ARHGEF39: variants seen among roughly 807,000 people sequenced by gnomAD.
The protein encoded by ARHGEF39 is Rho guanine nucleotide exchange factor (GEF) 39.
In ARHGEF39, 45 loss-of-function variants were observed where a neutral mutation model predicts 47.5. The ratio of observed to expected loss-of-function variants is 0.95; its 90% CI spans 0.75 to 1.22. The LOEUF (loss-of-function observed/expected upper bound fraction) is 1.22. Ranked by LOEUF, ARHGEF39 falls within the 50% of genes most tolerant of loss-of-function variation. The pLI, the probability that ARHGEF39 is intolerant of heterozygous loss-of-function variation, is 0.00. For synonymous variants in ARHGEF39, 164 were observed against 167.8 expected, an observed-to-expected ratio of 0.98 and a Z score of 0.17; for missense variants, 411 against 425.3, an observed-to-expected ratio of 0.97 and a Z score of 0.30.
rs1245752895 is a variant in ARHGEF39 at position 35,662,532 on chromosome 9, G to C, written c.883C>G (p.Pro295Ala). ...LSRVFGHSGGPCGGLLSLSFP... is the reference protein window; with the variant it reads ...LSRVFGHSGGACGGLLSLSFP... ...CTTACACTGAGCAACCCACCACAAG[G>C]GCCTCCTGAGTGGCCAAAGACCCTG... The change falls in exon 7 of 9, where the codon CCT (proline) becomes GCT (alanine). Residue 295 changes from proline to alanine, a missense_variant. By Grantham distance (27) the Pro-to-Ala change is conservative (BLOSUM62 -1). Coordinates refer to ENST00000378387, the MANE Select transcript of ARHGEF39 (RefSeq NM_032818.3). The C allele has an allele frequency of 6.2e-7, 1 of 1,613,904 alleles. No individual in the cohort carries two copies. Among genetic ancestry groups the C allele is most frequent in the South Asian group, 1.1e-5 (1 of 91,080 alleles).
intron 3 of ARHGEF39, 72 bp from the exon 4 acceptor site, chr9:35,664,198 A>C (rs1483837971): frequency 6.5e-7 from 1 of 1,546,728 alleles, no homozygotes; most frequent in African/African-American, 1.4e-5. Context: ...CTGTATCCAC[A>C]TTCCCAGCCT....
rs776118087 is a variant in ARHGEF39 at position 35,663,298 on chromosome 9, C to T, written c.544+24G>A. The T allele has an allele frequency of 1.1e-5, 17 of 1,612,610 alleles. No homozygotes were observed. In the African/African-American group the frequency reaches 1.9e-4, roughly 18 times the overall value. ...TACAGGAGAGGAAGCCTCCAGCCTG[C>T]GTTGCCGAGGAGCAAGAACCTACGT... On this transcript the variant is annotated intron_variant, in intron 5 of 8. Transcript: ENST00000378387.
Position 35,661,645 on chromosome 9 carries a change from CCT to C in ARHGEF39, c.*340_*341del, listed in dbSNP as rs1786414422. 1 of 422,920 alleles carries C rather than the reference CCT, an allele frequency of 2.4e-6. No individual in the cohort carries two copies. The highest frequency in any genetic ancestry group is 3.9e-5 in the Admixed American group (1 of 25,564). 26.2% of individuals were successfully genotyped at this position (422,920 alleles called of 1,614,324 possible). ...GGTTTAGTTGGGTTGGACTTGGTTT[CCT>C]GATTCTTCTTTTTTAATAAAATTTC... On this transcript the variant is annotated 3_prime_UTR_variant, in exon 9 of 9. Coordinates refer to ENST00000378387, the MANE Select transcript of ARHGEF39 (RefSeq NM_032818.3).
chr9:35,661,931 T>A lies in ARHGEF39; in HGVS notation c.*56A>T. ...TTCAGTACTGAAGATTCCTTTGTAC[T>A]CTTGGCTGTGACCTATCCCTGAGGT... On this transcript the variant is annotated 3_prime_UTR_variant, in exon 9 of 9. Coordinates refer to ENST00000378387, the MANE Select transcript of ARHGEF39 (RefSeq NM_032818.3). The A allele has an allele frequency of 6.3e-7, 1 of 1,578,486 alleles. No individual in the cohort carries two copies. The highest frequency in any genetic ancestry group is 8.6e-7 in the Non-Finnish European group (1 of 1,157,462).
In ARHGEF39 at chr9:35,664,017, C is replaced by T. The variant is rs759172103; in HGVS notation, c.464G>A (p.Arg155Gln). The T allele has an allele frequency of 9.3e-6, 15 of 1,613,770 alleles. No individual in the cohort carries two copies. Among genetic ancestry groups the T allele is most frequent in the East Asian group, 4.5e-5 (2 of 44,902 alleles). The change falls in exon 4 of 9, where the codon CGG (arginine) becomes CAG (glutamine). Residue 155 changes from arginine (R) to glutamine (Q), a missense_variant. Physicochemically the swap from Arg to Gln is conservative, Grantham distance 43. Coordinates refer to ENST00000378387, the MANE Select transcript of ARHGEF39 (RefSeq NM_032818.3). ...LQDLLPLPLQ[R>Q]LQQYENLVVA... The stretch of plus-strand genomic sequence containing the variant: ...TCAAGAGTTCACTCACTGCTGGAGC[C>T]GTTGCAGAGGCAGAGGGAGCAGGTC...
At position 35,662,656 on chromosome 9, in the gene ARHGEF39, A is replaced by T; in HGVS notation, c.759T>A (p.Asp253Glu). The T allele has an allele frequency of 6.2e-7, 1 of 1,611,592 alleles. No individual in the cohort carries two copies. The highest frequency in any genetic ancestry group is 8.5e-7 in the Non-Finnish European group (1 of 1,178,894). Reference protein sequence around the residue: ...PRPRMFFLFTDVLLMAKPRPP... With the variant: ...PRPRMFFLFTEVLLMAKPRPP... The stretch of plus-strand genomic sequence containing the variant: ...GCCGAGGCTTGGCCATGAGGAGCAC[A>T]TCAGTGAAGAGGAAGAACATGCGGG... The change falls in exon 7 of 9, where the codon GAT becomes GAA. Residue 253 changes from aspartate to glutamate, a missense_variant. Transcript: ENST00000378387.
In ARHGEF39 at chr9:35,661,830, G is replaced by A. The variant is rs56077544; in HGVS notation, c.*157C>T. The stretch of plus-strand genomic sequence containing the variant: ...TGCCTGGCCGTGATTTTTAAGAGTT[G>A]GTCAGATGATCTGGAGTAGCTTGGT... On this transcript the variant is annotated 3_prime_UTR_variant, in exon 9 of 9. Coordinates refer to ENST00000378387, the MANE Select transcript of ARHGEF39 (RefSeq NM_032818.3). 76,762 of 834,166 alleles carry A rather than the reference G, an allele frequency of 0.092. 4,054 individuals are homozygous for A. The highest frequency in any genetic ancestry group is 0.14 in the African/African-American group (8,409 of 58,620). The allele number at this position is 834,166 out of a possible 1,614,324, so 51.7% of individuals were successfully genotyped here.
At chr9:35,664,692 C>A in intron 2 of ARHGEF39, 64 bp downstream of exon 2, 1 of 1,536,924 alleles carries the variant, frequency 6.5e-7, no homozygotes, top group Non-Finnish European at 8.7e-7. Context: ...TGACTCCAAG[C>A]TCTGTGCACG....
At chr9:35,662,924 G>C (rs760737760) in intron 6 of ARHGEF39, 22 bp downstream of exon 6, 4 of 1,604,744 alleles carry the variant, frequency 2.5e-6, no homozygotes, top group Non-Finnish European at 1.7e-6. Flanking sequence ...GTTGAGGATT[G>C]AAGGGGAAGT....
At position 35,662,695 on chromosome 9, in the gene ARHGEF39, A is replaced by G. The variant is rs1563915761; in HGVS notation, c.720T>C (p.His240=). 1.3e-6 allele frequency: 2 copies of G among 1,579,352 alleles called. No individual in the cohort carries two copies. Among genetic ancestry groups the G allele is most frequent in the Non-Finnish European group, 1.7e-6 (2 of 1,162,726 alleles). Residue 240 remains histidine, a synonymous_variant, in exon 7 of 9, where the codon CAT becomes CAC. Coordinates refer to ENST00000378387, the MANE Select transcript of ARHGEF39 (RefSeq NM_032818.3). ...RQGWLLVVPP[H]GEPRPRMFFL... ...AGAACATGCGGGGCCGAGGCTCCCC[A>G]TGGGGAGGCACCACTAACAGCCAGC...
In ARHGEF39 at chr9:35,660,747, G is replaced by C; in HGVS notation, c.*1240C>G. 2.5e-6 allele frequency: 4 copies of C among 1,613,968 alleles called. No homozygotes were observed. The highest frequency in any genetic ancestry group is 3.4e-6 in the Non-Finnish European group (4 of 1,179,862). On this transcript the variant is annotated 3_prime_UTR_variant, in exon 9 of 9. Coordinates refer to ENST00000378387, the MANE Select transcript of ARHGEF39 (RefSeq NM_032818.3). The stretch of plus-strand genomic sequence containing the variant: ...GCCACTGAGTGGACATTTCTTCAGT[G>C]TGACTACTCTGGCTGGAGCCCAGCA...
intron 2 of ARHGEF39, 81 bp from the exon 3 acceptor site, chr9:35,664,573 A>G: frequency 6.6e-7 from 1 of 1,522,618 alleles, no homozygotes; most frequent in Middle Eastern, 1.8e-4. Flanking sequence ...GAATAGCACT[A>G]ATAGTAGTGC....
Position 35,661,012 on chromosome 9 carries a change from G to C in ARHGEF39, c.*975C>G. ...GAGGAGATTGGTGACAGTCAGGCCT[G>C]GGAGGAGCCCACAAACTGGAGCACA... On this transcript the variant is annotated 3_prime_UTR_variant, in exon 9 of 9. Coordinates refer to ENST00000378387, the MANE Select transcript of ARHGEF39 (RefSeq NM_032818.3). 6.2e-7 allele frequency: 1 copy of C among 1,614,106 alleles called. No individual in the cohort carries two copies. The highest frequency in any genetic ancestry group is 2.2e-5 in the East Asian group (1 of 44,884).
At position 35,662,173 on chromosome 9, in the gene ARHGEF39, A is replaced by G; in HGVS notation, c.992+6T>C. On this transcript the variant is annotated splice_donor_region_variant and intron_variant, in intron 8 of 8. Coordinates refer to ENST00000378387, the MANE Select transcript of ARHGEF39 (RefSeq NM_032818.3). ...AGCACCCTTCCTGGGGGAAGACACA[A>G]CTTACCTGATAGCCCAAGTCAGACT... is the stretch of plus-strand genomic sequence containing the variant. 2 of 1,613,896 alleles carry G rather than the reference A, an allele frequency of 1.2e-6. No homozygotes were observed. The highest frequency in any genetic ancestry group is 1.7e-4 in the Middle Eastern group (1 of 6,060).
At position 35,661,512 on chromosome 9, in the gene ARHGEF39, T is replaced by C. The variant is rs996338181; in HGVS notation, c.*475A>G. ...ATAGAAACTATACACAACATAAAAATAGCCACATTTACAAAGCTGCAGCCT... is the reference window on the plus strand; with the variant it reads ...ATAGAAACTATACACAACATAAAAACAGCCACATTTACAAAGCTGCAGCCT... On this transcript the variant is annotated 3_prime_UTR_variant, in exon 9 of 9. Coordinates refer to ENST00000378387, the MANE Select transcript of ARHGEF39 (RefSeq NM_032818.3). 6.1e-5 allele frequency: 27 copies of C among 443,090 alleles called. No homozygotes were observed. The highest frequency in any genetic ancestry group is 5.8e-4 in the Middle Eastern group (1 of 1,736). The allele number at this position is 443,090 out of a possible 1,614,324, so 27.4% of individuals were successfully genotyped here.
In ARHGEF39 at chr9:35,660,311, A is replaced by AT; in HGVS notation, c.*1675dup. ...AACCCAATCACTGTCTCCATCTCAA[A>AT]TTGCACTCTCTCTTGGCTGGCTCTG... On this transcript the variant is annotated 3_prime_UTR_variant, in exon 9 of 9. Coordinates refer to ENST00000378387, the MANE Select transcript of ARHGEF39 (RefSeq NM_032818.3). 1.8e-6 allele frequency: 2 copies of AT among 1,134,636 alleles called. No homozygotes were observed. Among genetic ancestry groups the AT allele is most frequent in the Non-Finnish European group, 2.5e-6 (2 of 787,546 alleles). The allele number at this position is 1,134,636 out of a possible 1,614,324, so 70.3% of individuals were successfully genotyped here.
chr9:35,660,279 A>G lies in ARHGEF39; in HGVS notation c.*1708T>C. ...GATAGACTAGGATTGTGATTCTCTG[A>G]GGTAAAAACCCAATCACTGTCTCCA... On this transcript the variant is annotated 3_prime_UTR_variant, in exon 9 of 9. Coordinates refer to ENST00000378387, the MANE Select transcript of ARHGEF39 (RefSeq NM_032818.3). The G allele has an allele frequency of 6.3e-6, 5 of 796,134 alleles. No homozygotes were observed. Among genetic ancestry groups the G allele is most frequent in the Non-Finnish European group, 1.0e-5 (5 of 489,770 alleles). The allele number at this position is 796,134 out of a possible 1,614,324, so 49.3% of individuals were successfully genotyped here. A position where few individuals can be genotyped will look rare whatever the true frequency, so the allele number is the denominator to read the frequency against.
chr9:35,659,432 A>G lies in ARHGEF39; in HGVS notation c.*2555T>C, dbSNP rs1757669551. ...GACCTGAGTACAGTCTGGGAGAAAC[A>G]TAATGTAGCAGGAGGTCTTATGAAA... is the stretch of plus-strand genomic sequence containing the variant. On this transcript the variant is annotated 3_prime_UTR_variant, in exon 9 of 9. Coordinates refer to ENST00000378387, the MANE Select transcript of ARHGEF39 (RefSeq NM_032818.3). 1 of 152,236 alleles carries G rather than the reference A, an allele frequency of 6.6e-6. No individual in the cohort carries two copies. Among genetic ancestry groups the G allele is most frequent in the Non-Finnish European group, 1.5e-5 (1 of 68,044 alleles). 9.4% of individuals were successfully genotyped at this position (152,236 alleles called of 1,614,324 possible). A position where few individuals can be genotyped will look rare whatever the true frequency, so the allele number is the denominator to read the frequency against.
Position 35,664,777 on chromosome 9 carries a change from T to C in ARHGEF39, c.212A>G (p.Glu71Gly). The C allele has an allele frequency of 6.2e-7, 1 of 1,612,828 alleles. No individual in the cohort carries two copies. Among genetic ancestry groups the C allele is most frequent in the Non-Finnish European group, 8.5e-7 (1 of 1,179,886 alleles). The change falls in exon 2 of 9, where the codon GAG (glutamate) becomes GGG (glycine). Residue 71 changes from glutamate to glycine, a missense_variant. By Grantham distance (98) the Glu-to-Gly change is moderately conservative (BLOSUM62 -2). Transcript: ENST00000378387. Reference protein sequence around the residue: ...PERQALFGSWELIYGASQELL... With the variant: ...PERQALFGSWGLIYGASQELL... ...TCACTGGCTGGCGCCGTAGATGAGC[T>C]CCCAGGAGCCAAACAGGGCCTGGCG... is the stretch of plus-strand genomic sequence containing the variant.
Sources: gnomAD v4.1 joint callset for allele counts on GRCh38, gnomAD v4.1.1 for gene constraint, MANE v1.5 for transcripts, NCBI Gene and HGNC (gene_info 2026-07-23, HGNC 2026-07-21) for gene names.